Variants in EML1 observed in about 807,000 individuals in gnomAD.
EML1 encodes the protein EMAP like 1.
In EML1, 27 loss-of-function variants were observed where a neutral mutation model predicts 110.4. The observed-to-expected ratio is 0.24, with a 90% CI of 0.18 to 0.34. The LOEUF (loss-of-function observed/expected upper bound fraction) is 0.34, where lower values mean the gene tolerates loss of function less well. EML1 is among the 10% of genes least tolerant of loss of function. The pLI is 1.00. For synonymous variants in EML1, 344 were observed against 385.8 expected (o/e 0.89, Z 1.27); for missense variants, 741 against 1,030.9 (o/e 0.72, Z 3.85).
intron 3 of EML1, among the ~76,000 whole-genome samples, chr14:99,868,364 T>C (rs1174608333): frequency 6.6e-6 from 1 of 152,214 alleles, no homozygotes; most frequent in Non-Finnish European, 1.5e-5. Flanking sequence ...CCTCAATTCT[T>C]TGGAAGAGTT....
upstream of EML1, among the ~76,000 whole-genome samples, chr14:99,792,362 G>C (rs1384233244): frequency 6.6e-6 from 1 of 152,168 alleles, no homozygotes; most frequent in African/African-American, 2.4e-5. Flanking sequence ...CAGTCTCTTT[G>C]GGACCAAGCT....
rs1190685607 is a variant in EML1, at chr14:99,928,006, AGGTGGTGGTGGTGGTGGTGGT to A, written c.1909+7146_1909+7166del. Among the ~76,000 whole-genome samples the A allele has an allele frequency of 3.7e-3, 2 of 534 alleles. 1 individual carries two copies. Among genetic ancestry groups the A allele is most frequent in the Non-Finnish European group, 5.5e-3 (2 of 366 alleles). The allele number at this position is 534 out of a possible 152,430, so 0.4% of individuals were successfully genotyped here. A position where few individuals can be genotyped will look rare whatever the true frequency, so the allele number is the denominator to read the frequency against. On this transcript the variant is annotated intron_variant, in intron 17 of 21. Coordinates refer to ENST00000262233, the MANE Select transcript of EML1 (RefSeq NM_004434.3). ...GTGGTGGTGATGGTGGTGGTGGTGG[AGGTGGTGGTGGTGGTGGTGGT>A]GGTGGTGGTGGTGGTGATGGTGATG...
At chr14:99,804,909 C>A (rs1331992057) in intron 1 of EML1, among the ~76,000 whole-genome samples, 1 of 152,208 alleles carries the variant, frequency 6.6e-6, no homozygotes, top group African/African-American at 2.4e-5. Context: ...TTGCCACCTG[C>A]TTCCCTGACC....
chr14:99,909,180 T>C lies in EML1; in HGVS notation c.1105-165T>C, dbSNP rs2059906064. 12 of 1,073,114 alleles carry C rather than the reference T, an allele frequency of 1.1e-5. No individual in the cohort carries two copies. In the South Asian group the frequency reaches 1.6e-4, roughly 14 times the overall value. The allele number at this position is 1,073,114 out of a possible 1,614,324, so 66.5% of individuals were successfully genotyped here. A position where few individuals can be genotyped will look rare whatever the true frequency, so the allele number is the denominator to read the frequency against. The stretch of plus-strand genomic sequence containing the variant: ...GGAGGTATTAAGGCCCACACCAGCA[T>C]ATGCTTGATGTTTTTAGCAAGATGG... On this transcript the variant is annotated intron_variant, in intron 10 of 21. Coordinates refer to ENST00000262233, the MANE Select transcript of EML1 (RefSeq NM_004434.3).
At chr14:99,802,164 G>A (rs180983425) in intron 1 of EML1, among the ~76,000 whole-genome samples, 21 of 152,020 alleles carry the variant, frequency 1.4e-4, no homozygotes, top group African/African-American at 3.4e-4. Context: ...CCAGGGAAGC[G>A]TCTAAGAAGC....
intron 2 of EML1, among the ~76,000 whole-genome samples, chr14:99,864,999 G>A (rs923511066): frequency 7.2e-5 from 11 of 152,078 alleles, no homozygotes; most frequent in South Asian, 6.2e-4. Flanking sequence ...GAAGTGGGGC[G>A]GGTGGTGGGG....
intron 16 of EML1, among the ~76,000 whole-genome samples, chr14:99,919,082 C>G (rs937095486): frequency 1.3e-5 from 2 of 152,142 alleles, no homozygotes; most frequent in Non-Finnish European, 2.9e-5. Context: ...CACTGAGGAT[C>G]GAAGGAGACA....
intron 17 of EML1, among the ~76,000 whole-genome samples, chr14:99,928,071 GTGGTGGTGGTGA>G: frequency 7.0e-6 from 1 of 143,820 alleles, no homozygotes; most frequent in Non-Finnish European, 1.5e-5. Flanking sequence ...GGTGGTGGTG[GTGGTGGTGGTGA>G]TGGTGATGGT....
At chr14:99,887,727 G>A (rs2059505825) in intron 4 of EML1, among the ~76,000 whole-genome samples, 1 of 152,200 alleles carries the variant, frequency 6.6e-6, no homozygotes, top group African/African-American at 2.4e-5. Flanking sequence ...ATAGTGCTGG[G>A]TCTGAAGGAC....
chr14:99,831,035 C>G (rs1021912072), intron 1 of EML1, among the ~76,000 whole-genome samples: 2 of 152,198 alleles, frequency 1.3e-5, no homozygotes, highest in Non-Finnish European at 2.9e-5. Flanking sequence ...AGGGCCCTCT[C>G]AGTGCCTCTC....
At chr14:99,874,882 A>C in intron 3 of EML1, 1 of 1,531,556 alleles carries the variant, frequency 6.5e-7, no homozygotes. Context: ...CGCTTTTATT[A>C]ATTGCACTCA....
chr14:99,901,025 G>A lies in EML1; in HGVS notation c.994G>A (p.Ala332Thr), dbSNP rs1435929349. Residue 332 changes from alanine (A) to threonine (T), a missense_variant, in exon 9 of 22, where the codon GCA becomes ACA. By Grantham distance (58) the Ala-to-Thr change is moderately conservative (BLOSUM62 0). Transcript: ENST00000262233. ...TTTTGACCGAGCAGTCACCTGTATT[G>A]CATTCTCAAAATCTGTAAGTATGTG... ...GFFDRAVTCIAFSKSNGGTNL... is the reference protein window; with the variant it reads ...GFFDRAVTCITFSKSNGGTNL... 1 of 1,613,806 alleles carries A rather than the reference G, an allele frequency of 6.2e-7. No homozygotes were observed. Among genetic ancestry groups the A allele is most frequent in the Admixed American group, 1.7e-5 (1 of 60,020 alleles).
At chr14:99,791,487 A>G (rs1371274144), upstream of EML1, among the ~76,000 whole-genome samples, 2 of 152,162 alleles carry the variant, frequency 1.3e-5, no homozygotes, top group African/African-American at 2.4e-5. Context: ...TTCTTTAGAG[A>G]CTTCATCTAC....
At chr14:99,892,901 T>C (rs1245998000) in intron 5 of EML1, among the ~76,000 whole-genome samples, 1 of 152,230 alleles carries the variant, frequency 6.6e-6, no homozygotes. Flanking sequence ...AGAGAGTTGC[T>C]AGAATCCCTT....
At chr14:99,868,594 G>A (rs1186297935) in intron 3 of EML1, among the ~76,000 whole-genome samples, 3 of 151,860 alleles carry the variant, frequency 2.0e-5, no homozygotes, top group Non-Finnish European at 4.4e-5. Flanking sequence ...CCAATTTGCT[G>A]GCATATGCTT....
chr14:99,860,965 T>G (rs2058993930), intron 2 of EML1, among the ~76,000 whole-genome samples: 1 of 152,256 alleles, frequency 6.6e-6, no homozygotes, highest in South Asian at 2.1e-4. Flanking sequence ...CATCTGATTT[T>G]CTTTTCATGG....
At chr14:99,787,054 G>A (rs1416368276) in intron 1 of EML1, among the ~76,000 whole-genome samples, 4 of 152,142 alleles carry the variant, frequency 2.6e-5, no homozygotes, top group Non-Finnish European at 5.9e-5. Flanking sequence ...GGGGCAGAGT[G>A]ACCATTTGTC....
chr14:99,811,853 A>G (rs1444585821), intron 1 of EML1, among the ~76,000 whole-genome samples: 2 of 151,714 alleles, frequency 1.3e-5, no homozygotes, highest in African/African-American at 4.8e-5. Flanking sequence ...GAAAGAAAAT[A>G]AAGAAAAATC....
Position 99,828,620 on chromosome 14 carries a change from G to A in EML1, c.68-22233G>A, listed in dbSNP as rs184399831. On this transcript the variant is annotated intron_variant, in intron 1 of 21. Coordinates refer to ENST00000262233, the MANE Select transcript of EML1 (RefSeq NM_004434.3). ...AGGTATATATATACACTTGACCCTTGAACAATATAGGGGTTACGGGTGCTA... is the reference window on the plus strand; with the variant it reads ...AGGTATATATATACACTTGACCCTTAAACAATATAGGGGTTACGGGTGCTA... Among the ~76,000 whole-genome samples the A allele has an allele frequency of 1.8e-3, 269 of 152,110 alleles. 1 individual carries two copies. Among genetic ancestry groups the A allele is most frequent in the African/African-American group, 6.2e-3 (258 of 41,472 alleles).
Sources: allele counts gnomAD v4.1 joint callset (sites outside exome capture counted in the v4.1 genomes callset), GRCh38; gene constraint gnomAD v4.1.1; transcripts MANE v1.5; gene names NCBI Gene and HGNC (gene_info 2026-07-23, HGNC 2026-07-21).